The following NCKIPSD variants were observed in gnomAD, a reference collection of about 807,000 sequenced individuals.
The protein encoded by NCKIPSD is NCK interacting protein with SH3 domain.
In NCKIPSD, 48 loss-of-function variants were observed where a neutral mutation model predicts 73.4. The ratio of observed to expected loss-of-function variants is 0.65; its 90% confidence interval spans 0.52 to 0.83. The LOEUF is 0.83. Ranked by LOEUF, NCKIPSD falls within the 40% of genes least tolerant of loss-of-function variation. The pLI, the probability that NCKIPSD is intolerant of heterozygous loss-of-function variation, is 0.00. For synonymous variants in NCKIPSD, 422 were observed against 403.6 expected, an observed-to-expected ratio of 1.05 and a Z score of -0.54; for missense variants, 884 against 970.2, an observed-to-expected ratio of 0.91 and a Z score of 1.18.
At position 48,681,153 on chromosome 3, in the gene NCKIPSD, G is replaced by A. The variant is rs145042271; in HGVS notation, c.1092+134C>T. 1.4e-5 allele frequency: 18 copies of A among 1,321,844 alleles called. 1 individual carries two copies. The highest frequency in any genetic ancestry group is 1.9e-4 in the Middle Eastern group (1 of 5,212). The allele number at this position is 1,321,844 out of a possible 1,614,324, so 81.9% of individuals were successfully genotyped here. On this transcript the variant is annotated intron_variant, in intron 5 of 12. Transcript: ENST00000294129. ...TTTCTGCTTCAGAAATCAGCTCAAC[G>A]TCCCCAGTGCCCAGCACAGTAAGAG...
chr3:48,681,181 C>T, intron 5 of NCKIPSD, 106 bp downstream of exon 5: 2 of 1,467,160 alleles, frequency 1.4e-6, no homozygotes, highest in Non-Finnish European at 1.8e-6. Context: ...AGTAAGAGCT[C>T]AGAGCCAGAG....
intron 12 of NCKIPSD, among the ~76,000 whole-genome samples, chr3:48,677,682 C>T (rs376546863): frequency 1.3e-5 from 2 of 152,184 alleles, no homozygotes; most frequent in East Asian, 1.9e-4. Context: ...AGGCTCCTAA[C>T]GGTATAGAGA....
intron 5 of NCKIPSD, among the ~76,000 whole-genome samples, 187 bp from the exon 6 acceptor site, chr3:48,680,416 C>T (rs1175225403): frequency 2.6e-5 from 4 of 152,158 alleles, no homozygotes; most frequent in Non-Finnish European, 4.4e-5. Context: ...CAACGGGAGA[C>T]TCATCTGTAG....
In NCKIPSD at chr3:48,685,579, G is replaced by A. The variant is rs1344966544; in HGVS notation, c.171+58C>T. ...GGGGTCCCTGGGTCGGTTCCGCGGG[G>A]CTGTGAAGGGGTCCTGCCCCAGGGG... On this transcript the variant is annotated intron_variant, in intron 1 of 12. Transcript: ENST00000294129. 3.4e-6 allele frequency: 5 copies of A among 1,469,192 alleles called. No homozygotes were observed. In the South Asian group the frequency reaches 5.3e-5, roughly 16 times the overall value. 91.0% of individuals were successfully genotyped at this position (1,469,192 alleles called of 1,614,324 possible).
chr3:48,681,427 C>T lies in NCKIPSD; in HGVS notation c.952G>A (p.Glu318Lys). Residue 318 changes from glutamate (E) to lysine (K), a missense_variant, in exon 5 of 13, where the codon GAG becomes AAG. Physicochemically the swap from Glu to Lys is moderately conservative, Grantham distance 56. Transcript: ENST00000294129. ...AGGCCAGTGTTTCTCCGCACCAGCTCCATCAGCTCGGCCCCAATGGTCCTG... is the reference window on the plus strand; with the variant it reads ...AGGCCAGTGTTTCTCCGCACCAGCTTCATCAGCTCGGCCCCAATGGTCCTG... ...VPRTIGAELM[E>K]LVRRNTGLSH... 1.9e-6 allele frequency: 3 copies of T among 1,613,962 alleles called. No homozygotes were observed. The highest frequency in any genetic ancestry group is 2.5e-6 in the Non-Finnish European group (3 of 1,179,968).
intron 12 of NCKIPSD, among the ~76,000 whole-genome samples, chr3:48,677,140 A>C (rs1180925444): frequency 6.6e-6 from 1 of 150,548 alleles, no homozygotes; most frequent in Non-Finnish European, 1.5e-5. Context: ...TGTAATCCCA[A>C]CACTTTGGGA....
chr3:48,682,351 G>A lies in NCKIPSD; in HGVS notation c.483C>T (p.Tyr161=), dbSNP rs1193147998. ...SEHLGADGGL[Y]QIPLPSSQIP... Reference sequence around the variant, plus strand: ...CCACGATGTCCTCCCCACACACCTGGTAGAGGCCTCCATCTGCCCCAAGAT... The same window carrying A: ...CCACGATGTCCTCCCCACACACCTGATAGAGGCCTCCATCTGCCCCAAGAT... The change falls in exon 3 of 13, where the codon TAC becomes TAT. Residue 161 remains tyrosine, a synonymous_variant. Coordinates refer to ENST00000294129, the MANE Select transcript of NCKIPSD (RefSeq NM_016453.4). The A allele has an allele frequency of 3.1e-6, 5 of 1,613,840 alleles. No homozygotes were observed. The highest frequency in any genetic ancestry group is 2.5e-6 in the Non-Finnish European group (3 of 1,179,952).
At chr3:48,680,008 T>C in intron 6 of NCKIPSD, 51 bp downstream of exon 6, 1 of 1,602,312 alleles carries the variant, frequency 6.2e-7, no homozygotes, top group Non-Finnish European at 8.5e-7. Flanking sequence ...TGCTACAGGG[T>C]GGGGGCCACT....
chr3:48,674,511 C>T lies in NCKIPSD; in HGVS notation c.*33G>A, dbSNP rs1307953459. 26 of 1,558,658 alleles carry T rather than the reference C, an allele frequency of 1.7e-5. 1 individual carries two copies. Among genetic ancestry groups the T allele is most frequent in the Non-Finnish European group, 2.0e-5 (23 of 1,150,914 alleles). On this transcript the variant is annotated 3_prime_UTR_variant, in exon 13 of 13. Transcript: ENST00000294129. ...AGCCCCTGAGTCCCCTGCACACTGA[C>T]TGGAGCTGCAGGGAAGGGAGGACAG...
chr3:48,681,362 C>T lies in NCKIPSD; in HGVS notation c.1017G>A (p.Val339=), dbSNP rs2077349862. ...CCGGCACCGAGGCCTGGATGTGACCCACTATGATGCCGATGGCCACCCGGC... is the reference window on the plus strand; with the variant it reads ...CCGGCACCGAGGCCTGGATGTGACCTACTATGATGCCGATGGCCACCCGGC... ...ELCRVAIGII[V]GHIQASVPAS... Residue 339 remains valine (V), a synonymous_variant, in exon 5 of 13, where the codon GTG becomes GTA. Transcript: ENST00000294129. The T allele has an allele frequency of 1.2e-6, 2 of 1,611,394 alleles. No homozygotes were observed. Among genetic ancestry groups the T allele is most frequent in the Admixed American group, 1.7e-5 (1 of 59,894 alleles).
rs2106749370 is a variant in NCKIPSD at position 48,679,729 on chromosome 3, G to A, written c.1351-16C>T. 6.2e-7 allele frequency: 1 copy of A among 1,614,148 alleles called. No individual in the cohort carries two copies. Among genetic ancestry groups the A allele is most frequent in the Non-Finnish European group, 8.5e-7 (1 of 1,180,004 alleles). Reference sequence around the variant, plus strand: ...CTCGGTGTTCCTGGCAGGGAACCCTGCGTGCTCAGTGCCTGGAACTCCCCC... The same window carrying A: ...CTCGGTGTTCCTGGCAGGGAACCCTACGTGCTCAGTGCCTGGAACTCCCCC... On this transcript the variant is annotated splice_polypyrimidine_tract_variant and intron_variant, in intron 7 of 12. Coordinates refer to ENST00000294129, the MANE Select transcript of NCKIPSD (RefSeq NM_016453.4).
At chr3:48,680,653 C>T (rs1237544494) in intron 5 of NCKIPSD, among the ~76,000 whole-genome samples, 1 of 151,950 alleles carries the variant, frequency 6.6e-6, no homozygotes, top group Non-Finnish European at 1.5e-5. Context: ...GCCCACTCCC[C>T]AACACCCAAA....
At chr3:48,683,772 AC>A (rs558601588) in intron 1 of NCKIPSD, among the ~76,000 whole-genome samples, 168 of 151,756 alleles carry the variant, frequency 1.1e-3, no homozygotes, top group Non-Finnish European at 2.0e-3. Context: ...CAAACCAGCT[AC>A]CCCCAGCCCT....
intron 5 of NCKIPSD, among the ~76,000 whole-genome samples, chr3:48,680,540 C>T (rs1204312267): frequency 6.6e-6 from 1 of 152,172 alleles, no homozygotes; most frequent in African/African-American, 2.4e-5. Context: ...TCTCCCATTC[C>T]ACACAAAATG....
At chr3:48,675,523 T>TATG (rs1182676040) in intron 12 of NCKIPSD, among the ~76,000 whole-genome samples, 88 of 74,906 alleles carry the variant, frequency 1.2e-3, no homozygotes, top group East Asian at 5.1e-3. Context: ...TATATATATA[T>TATG]ATATGATATA....
chr3:48,682,090 G>C lies in NCKIPSD; in HGVS notation c.553C>G (p.Pro185Ala), dbSNP rs778053357. The C allele has an allele frequency of 1.1e-5, 17 of 1,601,794 alleles. No homozygotes were observed. Among genetic ancestry groups the C allele is most frequent in the Non-Finnish European group, 1.4e-5 (17 of 1,179,906 alleles). Residue 185 changes from proline to alanine, a missense_variant, in exon 4 of 13, where the codon CCA becomes GCA. By Grantham distance (27) the Pro-to-Ala change is conservative. Transcript: ENST00000294129. ...RRAAPTTPPP[P>A]VKRRDREALM... ...GCCTCGCGGTCTCGGCGCTTCACTG[G>C]TGGGGGCGGTGTGGTGGGTGCTGCT...
rs1559491910 is a variant in NCKIPSD, at chr3:48,678,907, CGGA to C, written c.1759_1761del (p.Ser587del). 1.2e-6 allele frequency: 2 copies of C among 1,613,950 alleles called. No individual in the cohort carries two copies. The highest frequency in any genetic ancestry group is 1.7e-6 in the Non-Finnish European group (2 of 1,180,000). ...CTGTTCAGGAGCAACAACAGCTTCT[CGGA>C]GAAGATCTTGACATTGGCGTGTTTG... On this transcript the variant is annotated inframe_deletion, in exon 11 of 13. Coordinates refer to ENST00000294129, the MANE Select transcript of NCKIPSD (RefSeq NM_016453.4).
chr3:48,681,234 C>A, intron 5 of NCKIPSD, 53 bp downstream of exon 5: 1 of 1,517,486 alleles, frequency 6.6e-7, no homozygotes, highest in Non-Finnish European at 8.8e-7. Flanking sequence ...AAGTGTGTGA[C>A]GGTGGGAACA....
chr3:48,677,307 G>C (rs1202255208), intron 12 of NCKIPSD, among the ~76,000 whole-genome samples: 1 of 151,862 alleles, frequency 6.6e-6, no homozygotes, highest in Admixed American at 6.5e-5. Context: ...AGAATCACTT[G>C]AAACCAGGAG....
Sources: allele counts gnomAD v4.1 joint callset (sites outside exome capture counted in the v4.1 genomes callset), GRCh38; gene constraint gnomAD v4.1.1; transcripts MANE v1.5; gene names NCBI Gene and HGNC (gene_info 2026-07-23, HGNC 2026-07-21).